Variants in ZNF423 observed in about 807,000 individuals in gnomAD.
ZNF423 encodes the protein zinc finger protein 423.
In ZNF423, 12 loss-of-function variants were observed where a neutral mutation model predicts 95.8. The observed-to-expected ratio is 0.13, with a 90% CI of 0.08 to 0.20. The LOEUF (loss-of-function observed/expected upper bound fraction) is 0.20. ZNF423 is among the 10% of genes least tolerant of loss of function. The probability of loss-of-function intolerance (pLI) is 1.00; values close to 1 mark genes in which losing one functional copy is unlikely to be tolerated. For synonymous variants in ZNF423, 749 were observed against 711.9 expected, an observed-to-expected ratio of 1.05 and a Z score of -0.83; for missense variants, 1,316 against 1,737.1, an observed-to-expected ratio of 0.76 and a Z score of 4.31.
intron 1 of ZNF423, chr16:49,853,764 C>G: frequency 1.0e-6 from 1 of 985,354 alleles, no homozygotes; most frequent in Non-Finnish European, 1.2e-6. Flanking sequence ...TTTTAGAACT[C>G]GGTTCAAGCA....
At chr16:49,528,378 C>T (rs575041498) in intron 5 of ZNF423, among the ~76,000 whole-genome samples, 1 of 152,206 alleles carries the variant, frequency 6.6e-6, no homozygotes, top group East Asian at 1.9e-4. Context: ...GCAAGCCGTC[C>T]GGGGCCCAAA....
chr16:49,852,858 G>C (rs1402425809), intron 1 of ZNF423, among the ~76,000 whole-genome samples: 1 of 152,016 alleles, frequency 6.6e-6, no homozygotes, highest in Non-Finnish European at 1.5e-5. Context: ...CGGGGACAAG[G>C]GACCCCACTC....
At chr16:49,811,726 C>T (rs2034755598) in intron 1 of ZNF423, among the ~76,000 whole-genome samples, 3 of 152,092 alleles carry the variant, frequency 2.0e-5, no homozygotes, top group Non-Finnish European at 2.9e-5. Flanking sequence ...CTCTCTGCTG[C>T]TCCAGGACTA....
At chr16:49,553,479 T>C (rs1969712365) in intron 5 of ZNF423, among the ~76,000 whole-genome samples, 2 of 152,044 alleles carry the variant, frequency 1.3e-5, no homozygotes, top group South Asian at 4.1e-4. Flanking sequence ...CCCAAGTAAC[T>C]GGGACTACAG....
At chr16:49,580,940 G>C (rs1206990071) in intron 5 of ZNF423, among the ~76,000 whole-genome samples, 2 of 152,160 alleles carry the variant, frequency 1.3e-5, no homozygotes, top group Non-Finnish European at 2.9e-5. Flanking sequence ...GCCCAGCCAG[G>C]CCCACCACAT....
At chr16:49,571,412 C>T (rs149531262) in intron 5 of ZNF423, among the ~76,000 whole-genome samples, 6,877 of 152,124 alleles carry the variant, frequency 0.045, 221 homozygotes, top group Middle Eastern at 0.085. Context: ...GGGGCAGCTG[C>T]TCCGAGGGCA....
In ZNF423 at chr16:49,487,664, C is replaced by T. The variant is rs541979088; in HGVS notation, c.*3611G>A. On this transcript the variant is annotated 3_prime_UTR_variant, in exon 8 of 8. Transcript: ENST00000563137. ...GCAAGTCTATCCTGAATGGTATGAT[C>T]TTGGACAAGATTCTGAACTTCTCTG... 2 of 152,312 alleles carry T rather than the reference C, an allele frequency of 1.3e-5. No homozygotes were observed. Among genetic ancestry groups the T allele is most frequent in the East Asian group, 3.9e-4 (2 of 5,186 alleles). The allele number at this position is 152,312 out of a possible 1,614,324, so 9.4% of individuals were successfully genotyped here.
Position 49,523,630 on chromosome 16 carries a change from C to T in ZNF423, c.3843G>A (p.Glu1281=), listed in dbSNP as rs1212019450. Residue 1281 remains glutamate, a synonymous_variant, in exon 7 of 8, where the codon GAG becomes GAA. Coordinates refer to ENST00000563137, the MANE Select transcript of ZNF423 (RefSeq NM_001379286.1). The part of the protein sequence containing the change: ...QCPQKFFFQT[E]LQNHTMSQHA... The stretch of plus-strand genomic sequence containing the variant: ...AGCGGATGTGGGCACCCACCTGCAG[C>T]TCGGTCTGGAAGAAGAACTTCTGAG... The T allele has an allele frequency of 1.2e-6, 2 of 1,613,944 alleles. No homozygotes were observed. The highest frequency in any genetic ancestry group is 1.7e-6 in the Non-Finnish European group (2 of 1,179,972).
intron 2 of ZNF423, among the ~76,000 whole-genome samples, chr16:49,767,897 C>G (rs1011404954): frequency 1.3e-5 from 2 of 152,230 alleles, no homozygotes; most frequent in East Asian, 3.8e-4. Context: ...ACCAGGCTTA[C>G]GTCGGGTCCT....
rs186529267 is a variant in ZNF423 at position 49,638,546 on chromosome 16, G to A, written c.630C>T (p.Ala210=). The change falls in exon 4 of 8, where the codon GCC becomes GCT. Residue 210 remains alanine, a synonymous_variant. Transcript: ENST00000563137. The surrounding 1 kb of genome is among the most constrained non-coding windows in gnomAD (Gnocchi z 5.6). ...TCTTGAGGTGGTCGCTGCGGGAGAA[G>A]GCTGCCTCGCACTCGTGGCAGTGAT... ...KKYHCHECEA[A]FSRSDHLKIH... 436 of 1,613,708 alleles carry A rather than the reference G, an allele frequency of 2.7e-4. 1 individual carries two copies. In the Admixed American group the frequency reaches 7.1e-3, roughly 26 times the overall value.
At chr16:49,593,141 CA>C (rs1164732186) in intron 5 of ZNF423, among the ~76,000 whole-genome samples, 2 of 152,188 alleles carry the variant, frequency 1.3e-5, no homozygotes, top group African/African-American at 4.8e-5. Flanking sequence ...AACTCATCCC[CA>C]CCCCAAAGAG....
At chr16:49,745,834 G>T (rs1172523916) in intron 2 of ZNF423, among the ~76,000 whole-genome samples, 1 of 152,172 alleles carries the variant, frequency 6.6e-6, no homozygotes, top group East Asian at 1.9e-4. Flanking sequence ...GAAAGTGCAA[G>T]AATTTGCATC....
At chr16:49,795,834 C>T (rs1053708462) in intron 1 of ZNF423, among the ~76,000 whole-genome samples, 1 of 152,228 alleles carries the variant, frequency 6.6e-6, no homozygotes, top group Non-Finnish European at 1.5e-5. Context: ...AGCACCCGAA[C>T]ACATCCTGTT....
At chr16:49,499,030 C>A (rs891486806) in intron 7 of ZNF423, among the ~76,000 whole-genome samples, 3 of 152,312 alleles carry the variant, frequency 2.0e-5, no homozygotes, top group Middle Eastern at 3.4e-3. Flanking sequence ...TGCAGTCAAT[C>A]CCCCGGGGCC....
chr16:49,669,222 G>A lies in ZNF423; in HGVS notation c.302-30348C>T, dbSNP rs139350780. Among the ~76,000 whole-genome samples the A allele has an allele frequency of 4.5e-3, 682 of 152,096 alleles. 3 individuals are homozygous for A. The highest frequency in any genetic ancestry group is 0.016 in the African/African-American group (648 of 41,474). ...CGCACACCTGTAATCCCAGCTACTC[G>A]GGAGGCTGAGGTGGGAGAATCACTT... On this transcript the variant is annotated intron_variant, in intron 3 of 7. Transcript: ENST00000563137.
At chr16:49,543,677 C>G (rs753672832) in intron 5 of ZNF423, among the ~76,000 whole-genome samples, 1 of 152,220 alleles carries the variant, frequency 6.6e-6, no homozygotes, top group Non-Finnish European at 1.5e-5. Context: ...CATCAGCTTC[C>G]CCGCCAAGGA....
At chr16:49,821,011 T>C (rs879914219) in intron 1 of ZNF423, among the ~76,000 whole-genome samples, 12 of 152,218 alleles carry the variant, frequency 7.9e-5, no homozygotes, top group Non-Finnish European at 1.6e-4. Flanking sequence ...TTCCCAACCC[T>C]TGGAGCCTTG....
intron 5 of ZNF423, among the ~76,000 whole-genome samples, chr16:49,553,589 C>T: frequency 6.6e-6 from 1 of 151,910 alleles, no homozygotes; most frequent in East Asian, 1.9e-4. Context: ...TCAAGCAATC[C>T]TCTTACCTTA....
At chr16:49,717,047 C>A (rs2032728914) in intron 3 of ZNF423, among the ~76,000 whole-genome samples, 1 of 152,190 alleles carries the variant, frequency 6.6e-6, no homozygotes, top group African/African-American at 2.4e-5. Context: ...CCCCCGCCAC[C>A]CTCTGATGTG....
Sources: gnomAD v4.1 joint callset for allele counts (sites outside exome capture counted in the v4.1 genomes callset) on GRCh38, gnomAD v4.1.1 for gene constraint, Gnocchi (gnomAD v3.1) non-coding constraint, MANE v1.5 for transcripts, NCBI Gene and HGNC (gene_info 2026-07-23, HGNC 2026-07-21) for gene names.